SSBP2: variants seen among roughly 807,000 people sequenced by gnomAD.
SSBP2 encodes single-stranded DNA-binding protein 2.
Under a neutral mutation model 61.8 loss-of-function variants are expected in SSBP2, and 17 were observed. The observed-to-expected ratio is 0.28, with a 90% CI of 0.19 to 0.41. SSBP2 has a LOEUF of 0.41. SSBP2 is among the 10% of genes least tolerant of loss of function. The probability of loss-of-function intolerance (pLI) is 1.00; values close to 1 mark genes in which losing one functional copy is unlikely to be tolerated. For synonymous variants in SSBP2, 139 were observed against 141.3 expected, an observed-to-expected ratio of 0.98 and a Z score of 0.12; for missense variants, 310 against 458.7, an observed-to-expected ratio of 0.68 and a Z score of 2.96.
At chr5:81,550,246 C>G (rs1772068110) in intron 4 of SSBP2, among the ~76,000 whole-genome samples, 1 of 152,148 alleles carries the variant, frequency 6.6e-6, no homozygotes, top group Admixed American at 6.6e-5. Context: ...ATTGTTGTCT[C>G]TGATATTATT....
intron 13 of SSBP2, among the ~76,000 whole-genome samples, chr5:81,441,899 C>G (rs1190417795): frequency 6.6e-6 from 1 of 152,098 alleles, no homozygotes; most frequent in Non-Finnish European, 1.5e-5. Context: ...GGTTGAAAAA[C>G]TGGTGCTGGT....
At chr5:81,652,983 G>T (rs1360866219) in intron 1 of SSBP2, among the ~76,000 whole-genome samples, 1 of 142,662 alleles carries the variant, frequency 7.0e-6, no homozygotes, top group Non-Finnish European at 1.5e-5. Context: ...TGGGATACAT[G>T]TGCGGAACGT....
At chr5:81,742,342 A>G (rs1451824172) in intron 1 of SSBP2, among the ~76,000 whole-genome samples, 1 of 152,228 alleles carries the variant, frequency 6.6e-6, no homozygotes, top group African/African-American at 2.4e-5. Flanking sequence ...TATTTTTTAG[A>G]AATTACATTA....
chr5:81,465,573 T>C (rs917342764), intron 9 of SSBP2, among the ~76,000 whole-genome samples: 6 of 152,216 alleles, frequency 3.9e-5, no homozygotes, highest in African/African-American at 1.2e-4. Context: ...TACATTCTTA[T>C]TGAATGATCA....
At chr5:81,614,354 C>T (rs1303188041) in intron 4 of SSBP2, among the ~76,000 whole-genome samples, 1 of 104,522 alleles carries the variant, frequency 9.6e-6, no homozygotes, top group Non-Finnish European at 1.9e-5. Flanking sequence ...AGCGAGACTC[C>T]GTCTCAAAAA....
At chr5:81,733,427 A>G (rs1756394627) in intron 1 of SSBP2, among the ~76,000 whole-genome samples, 1 of 152,088 alleles carries the variant, frequency 6.6e-6, no homozygotes, top group African/African-American at 2.4e-5. Context: ...ATACATCAAC[A>G]GCTAGAAAAA....
intron 4 of SSBP2, among the ~76,000 whole-genome samples, chr5:81,533,353 A>T (rs1580941493): frequency 6.6e-6 from 1 of 152,046 alleles, no homozygotes; most frequent in Non-Finnish European, 1.5e-5. Flanking sequence ...AATATAATAT[A>T]TCAAAATTTG....
chr5:81,596,976 A>G (rs940823335), intron 4 of SSBP2, among the ~76,000 whole-genome samples: 6 of 151,798 alleles, frequency 4.0e-5, no homozygotes, highest in African/African-American at 1.5e-4. Flanking sequence ...AACAAAAGCC[A>G]AAATTGACAA....
At chr5:81,698,954 T>C (rs138725164) in intron 1 of SSBP2, among the ~76,000 whole-genome samples, 1 of 152,360 alleles carries the variant, frequency 6.6e-6, no homozygotes, top group African/African-American at 2.4e-5. Flanking sequence ...ATACTTCACA[T>C]ATACTGTGGG....
At chr5:81,678,947 T>C (rs1320661761) in intron 1 of SSBP2, among the ~76,000 whole-genome samples, 1 of 152,144 alleles carries the variant, frequency 6.6e-6, no homozygotes, top group African/African-American at 2.4e-5. Flanking sequence ...CAGACTTGGG[T>C]CTACATTTTT....
chr5:81,591,049 T>C (rs981911732), intron 4 of SSBP2, among the ~76,000 whole-genome samples: 9 of 152,136 alleles, frequency 5.9e-5, no homozygotes, highest in African/African-American at 2.2e-4. Context: ...TAAAAAATAA[T>C]GCATTCAGCT....
At chr5:81,614,359 C>CAAAAAAAAAAA (rs10659647) in intron 4 of SSBP2, among the ~76,000 whole-genome samples, 2 of 73,826 alleles carry the variant, frequency 2.7e-5, no homozygotes, top group Admixed American at 1.9e-4. Flanking sequence ...GACTCCGTCT[C>CAAAAAAAAAAA]AAAAAAAAAA....
intron 1 of SSBP2, among the ~76,000 whole-genome samples, chr5:81,671,517 A>C (rs954534186): frequency 7.9e-5 from 12 of 152,120 alleles, no homozygotes; most frequent in Admixed American, 6.6e-5. Flanking sequence ...AGAGTTTAAC[A>C]ATTTAGTACC....
At chr5:81,488,059 A>ATATTATATATAT (rs1561459572) in intron 6 of SSBP2, among the ~76,000 whole-genome samples, 2 of 65,326 alleles carry the variant, frequency 3.1e-5, no homozygotes, top group Non-Finnish European at 5.6e-5. Flanking sequence ...ATATATATAT[A>ATATTATATATAT]AATAAAATAT....
At chr5:81,536,030 A>G (rs1443112345) in intron 4 of SSBP2, among the ~76,000 whole-genome samples, 1 of 152,120 alleles carries the variant, frequency 6.6e-6, no homozygotes, top group East Asian at 1.9e-4. Flanking sequence ...TATACAAACA[A>G]CTTTTAAAAA....
chr5:81,610,140 G>A (rs1470389134), intron 4 of SSBP2, among the ~76,000 whole-genome samples: 2 of 152,212 alleles, frequency 1.3e-5, no homozygotes, highest in Non-Finnish European at 2.9e-5. Context: ...CTGAGCTGGT[G>A]TGTAGGTGGG....
chr5:81,610,201 G>A (rs939820305), intron 4 of SSBP2, among the ~76,000 whole-genome samples: 2 of 152,110 alleles, frequency 1.3e-5, no homozygotes, highest in African/African-American at 2.4e-5. Context: ...GAGCAAGACT[G>A]GGGGGAGAGG....
chr5:81,585,252 C>T (rs1774971839), intron 4 of SSBP2, among the ~76,000 whole-genome samples: 1 of 151,976 alleles, frequency 6.6e-6, no homozygotes, highest in Non-Finnish European at 1.5e-5. Context: ...ATCCTTTGCC[C>T]TTTTTTTCTA....
chr5:81,492,227 G>A (rs1479658666), intron 5 of SSBP2, among the ~76,000 whole-genome samples: 1 of 152,206 alleles, frequency 6.6e-6, no homozygotes, highest in Non-Finnish European at 1.5e-5. Context: ...TTTGGGCTGG[G>A]CGAGGTGGCT....
Sources: gnomAD v4.1 joint callset for allele counts (sites outside exome capture counted in the v4.1 genomes callset) on GRCh38, gnomAD v4.1.1 for gene constraint, MANE v1.5 for transcripts, NCBI Gene and HGNC (gene_info 2026-07-23, HGNC 2026-07-21) for gene names.